The following PRIM2 variants were observed in gnomAD, a reference collection of about 807,000 sequenced individuals.
PRIM2 encodes DNA primase large subunit.
In PRIM2, 39 loss-of-function variants were observed where a neutral mutation model predicts 67.3. That is an observed-to-expected ratio of 0.58 (90% CI 0.45 to 0.76). The LOEUF is 0.76. Ranked by LOEUF, PRIM2 falls within the 30% of genes least tolerant of loss-of-function variation. The pLI, the probability that PRIM2 is intolerant of heterozygous loss-of-function variation, is 0.00. For missense variants in PRIM2, 398 were observed against 598.7 expected, an observed-to-expected ratio of 0.66 and a Z score of 3.50; for synonymous variants, 143 against 198.7, an observed-to-expected ratio of 0.72 and a Z score of 2.36.
intron 5 of PRIM2, among the ~76,000 whole-genome samples, chr6:57,349,786 C>CT (rs1178736481): frequency 3.3e-5 from 5 of 152,018 alleles, no homozygotes; most frequent in African/African-American, 1.2e-4. Flanking sequence ...ACACTTTTCT[C>CT]TTTTTAAAAA....
chr6:57,292,465 A>G, the PRIM2 span, among the ~76,000 whole-genome samples: 5 of 152,268 alleles, frequency 3.3e-5, no homozygotes, highest in South Asian at 1.0e-3. Context: ...CAAGCTACCA[A>G]TGACTTTCTT....
chr6:57,269,380 G>T, the PRIM2 span, among the ~76,000 whole-genome samples: 1,265 of 151,742 alleles, frequency 8.3e-3, 23 homozygotes, highest in African/African-American at 0.029. Context: ...TTCTCTGATG[G>T]CCAGTGATGA....
chr6:57,330,356 TTTTTGTTTTTG>T (rs1562696643), intron 5 of PRIM2, among the ~76,000 whole-genome samples: 3 of 118,716 alleles, frequency 2.5e-5, no homozygotes, highest in Admixed American at 8.8e-5. Flanking sequence ...TTGTTTTTTT[TTTTTGTTTTTG>T]TTTTTTTGTT....
intron 10 of PRIM2, among the ~76,000 whole-genome samples, chr6:57,575,512 A>G (rs1775947175): frequency 6.6e-6 from 1 of 152,204 alleles, no homozygotes; most frequent in African/African-American, 2.4e-5. Flanking sequence ...TTGGAGTTTT[A>G]GATGTGCTAT....
the PRIM2 span, among the ~76,000 whole-genome samples, chr6:57,237,948 G>T: frequency 6.6e-6 from 1 of 152,046 alleles, no homozygotes; most frequent in African/African-American, 2.4e-5. Flanking sequence ...AACCAATGAC[G>T]ATCAAAAGAG....
chr6:57,477,920 C>T (rs1277385247), intron 7 of PRIM2, among the ~76,000 whole-genome samples: 3,367 of 152,210 alleles, frequency 0.022, 105 homozygotes, highest in South Asian at 0.071. Context: ...CTGTTCATAA[C>T]GGATCATCTA....
At chr6:57,457,273 T>A (rs1772826503) in intron 7 of PRIM2, among the ~76,000 whole-genome samples, 2 of 152,262 alleles carry the variant, frequency 1.3e-5, no homozygotes, top group East Asian at 3.9e-4. Flanking sequence ...TGTTCTCAGA[T>A]CTCCAGCTGC....
At chr6:57,606,959 G>A (rs1776574350) in intron 12 of PRIM2, among the ~76,000 whole-genome samples, 1 of 152,164 alleles carries the variant, frequency 6.6e-6, no homozygotes, top group East Asian at 1.9e-4. Flanking sequence ...TTTGTCTTAT[G>A]GACAATGGAA....
intron 12 of PRIM2, among the ~76,000 whole-genome samples, chr6:57,616,350 T>C (rs1489453882): frequency 1.3e-5 from 2 of 152,150 alleles, no homozygotes; most frequent in Admixed American, 1.3e-4. Flanking sequence ...ATAGAACTAA[T>C]ATATGATAAG....
At chr6:57,613,023 T>C (rs1441066252) in intron 12 of PRIM2, among the ~76,000 whole-genome samples, 2 of 152,138 alleles carry the variant, frequency 1.3e-5, no homozygotes, top group Non-Finnish European at 2.9e-5. Flanking sequence ...CTTGAACTCA[T>C]GGCTCAAGCA....
chr6:57,347,592 G>A (rs1312438889), intron 5 of PRIM2, among the ~76,000 whole-genome samples: 3 of 152,120 alleles, frequency 2.0e-5, no homozygotes, highest in Admixed American at 1.3e-4. Flanking sequence ...GAATACAGGC[G>A]CATGCCACCC....
intron 10 of PRIM2, among the ~76,000 whole-genome samples, chr6:57,557,732 T>C (rs1171267196): frequency 6.6e-6 from 1 of 151,684 alleles, no homozygotes; most frequent in African/African-American, 2.4e-5. Context: ...TGAGTTTACC[T>C]ATATAACAAA....
intron 4 of PRIM2, 64 bp from the exon 5 acceptor site, chr6:57,325,861 A>G (rs962612272): frequency 6.8e-7 from 1 of 1,468,020 alleles, no homozygotes; most frequent in Non-Finnish European, 9.1e-7. Flanking sequence ...TTTTATAAAC[A>G]TTTCTTAGAT....
rs1257012507 is a variant in PRIM2, at chr6:57,317,696, T to C, written c.-15T>C. ...TTTGTGTTTTCCCGAGTTTGAATTCTTGCAGGTAGGGGAAACTTCCGCGAA... is the reference window on the plus strand; with the variant it reads ...TTTGTGTTTTCCCGAGTTTGAATTCCTGCAGGTAGGGGAAACTTCCGCGAA... On this transcript the variant is annotated 5_prime_UTR_variant, in exon 1 of 14. Transcript: ENST00000615550. 6.5e-6 allele frequency: 1 copy of C among 152,740 alleles called. No individual in the cohort carries two copies. The highest frequency in any genetic ancestry group is 1.5e-5 in the Non-Finnish European group (1 of 68,100). The allele number at this position is 152,740 out of a possible 1,614,324, so 9.5% of individuals were successfully genotyped here. A position where few individuals can be genotyped will look rare whatever the true frequency, so the allele number is the denominator to read the frequency against.
intron 7 of PRIM2, among the ~76,000 whole-genome samples, chr6:57,478,783 A>AT (rs1773544504): frequency 6.6e-6 from 1 of 151,974 alleles, no homozygotes; most frequent in African/African-American, 2.4e-5. Context: ...AGTAGTTATC[A>AT]TTTTTTCCAG....
the PRIM2 span, among the ~76,000 whole-genome samples, chr6:57,226,843 G>A: frequency 2.2e-4 from 33 of 152,266 alleles, no homozygotes; most frequent in South Asian, 6.2e-3. Flanking sequence ...GGAAAAAGAC[G>A]GAATGTAAAG....
the PRIM2 span, among the ~76,000 whole-genome samples, chr6:57,296,063 A>T: frequency 2.0e-5 from 3 of 152,176 alleles, no homozygotes; most frequent in Non-Finnish European, 4.4e-5. Context: ...CCTGAAATGG[A>T]ATACTAACTA....
chr6:57,311,211 GC>G (rs1767379574), upstream of PRIM2, among the ~76,000 whole-genome samples: 1 of 146,642 alleles, frequency 6.8e-6, no homozygotes, highest in Non-Finnish European at 1.5e-5. Context: ...AGACGGGGCG[GC>G]CGGGCAGAGG....
chr6:57,399,778 T>C (rs1770643805), intron 7 of PRIM2, among the ~76,000 whole-genome samples: 1 of 151,860 alleles, frequency 6.6e-6, no homozygotes, highest in Non-Finnish European at 1.5e-5. Context: ...GATTTGTATT[T>C]CTCTGATGGC....
Sources: gnomAD v4.1 joint callset for allele counts (sites outside exome capture counted in the v4.1 genomes callset) on GRCh38, gnomAD v4.1.1 for gene constraint, MANE v1.5 for transcripts, NCBI Gene and HGNC (gene_info 2026-07-23, HGNC 2026-07-21) for gene names.